FCSK: variants seen among roughly 807,000 people sequenced by gnomAD.
FCSK encodes L-fucose kinase.
A neutral mutation model predicts 122.5 loss-of-function variants in FCSK; 123 were observed. The ratio of observed to expected loss-of-function variants is 1.00; its 90% CI spans 0.87 to 1.17. The LOEUF (loss-of-function observed/expected upper bound fraction) is 1.17. FCSK is among the 50% of genes most tolerant of loss of function. FCSK has a pLI of 0.00. For missense variants in FCSK, 1,366 were observed against 1,450.4 expected (o/e 0.94, Z 0.95); for synonymous variants, 620 against 625.5 (o/e 0.99, Z 0.13).
chr16:70,463,829 A>T (rs533754927), intron 3 of FCSK, 55 bp downstream of exon 3: 17 of 1,526,896 alleles, frequency 1.1e-5, no homozygotes, highest in Non-Finnish European at 1.5e-5. Flanking sequence ...GAACCAGGTC[A>T]TTTCTGAGAT....
chr16:70,460,271 C>T (rs1184735280), intron 1 of FCSK, among the ~76,000 whole-genome samples: 1 of 151,684 alleles, frequency 6.6e-6, no homozygotes, highest in Non-Finnish European at 1.5e-5. Flanking sequence ...GCCACCACGC[C>T]CAGCTAATTT....
In FCSK at chr16:70,479,757, A is replaced by G; in HGVS notation, c.*77A>G. 1 of 1,111,354 alleles carries G rather than the reference A, an allele frequency of 9.0e-7. No individual in the cohort carries two copies. Among genetic ancestry groups the G allele is most frequent in the Non-Finnish European group, 1.3e-6 (1 of 759,166 alleles). 68.8% of individuals were successfully genotyped at this position (1,111,354 alleles called of 1,614,324 possible). On this transcript the variant is annotated 3_prime_UTR_variant, in exon 24 of 24. Transcript: ENST00000288078. Reference sequence around the variant, plus strand: ...CCTTCCTTGCCCCATGGGAACCTCCACCTCCTACTCCCCACCCACCTCTGC... The same window carrying G: ...CCTTCCTTGCCCCATGGGAACCTCCGCCTCCTACTCCCCACCCACCTCTGC...
At position 70,474,777 on chromosome 16, in the gene FCSK, C is replaced by T; in HGVS notation, c.2156-13C>T. ...CTTCTGTGACCAGCTTGAGTCTTGC[C>T]ACACTGCCATAGGGGGCTGGAGTGA... On this transcript the variant is annotated splice_polypyrimidine_tract_variant and intron_variant, in intron 17 of 23. Coordinates refer to ENST00000288078, the MANE Select transcript of FCSK (RefSeq NM_145059.3). 1.3e-6 allele frequency: 2 copies of T among 1,559,650 alleles called. No individual in the cohort carries two copies. Among genetic ancestry groups the T allele is most frequent in the Middle Eastern group, 1.7e-4 (1 of 5,942 alleles).
At chr16:70,465,739 G>A (rs891745336) in intron 4 of FCSK, among the ~76,000 whole-genome samples, 2 of 152,034 alleles carry the variant, frequency 1.3e-5, no homozygotes, top group Non-Finnish European at 2.9e-5. Flanking sequence ...AGATCACAAG[G>A]TCAGGAGTTT....
At chr16:70,470,915 GCTGGGGCA>G (rs776758121) in intron 11 of FCSK, 48 bp from the exon 12 acceptor site, 32 of 1,468,034 alleles carry the variant, frequency 2.2e-5, no homozygotes, top group Middle Eastern at 2.4e-4. Flanking sequence ...TGGGAGGAGA[GCTGGGGCA>G]GCCCTGGGCC....
chr16:70,475,494 G>T lies in FCSK; in HGVS notation c.2521+1G>T. ...GAGCTGCCCCACGGCTCTGGCCTGG[G>T]TGAGCGGGCCCTGCCTCCTGCTACC... On this transcript the variant is annotated splice_donor_variant, in intron 19 of 23. Coordinates refer to ENST00000288078, the MANE Select transcript of FCSK (RefSeq NM_145059.3). LOFTEE classifies it high-confidence loss of function. 7 of 1,601,642 alleles carry T rather than the reference G, an allele frequency of 4.4e-6. No individual in the cohort carries two copies. The highest frequency in any genetic ancestry group is 5.9e-6 in the Non-Finnish European group (7 of 1,177,522).
At chr16:70,476,779 G>C (rs187520073) in intron 20 of FCSK, among the ~76,000 whole-genome samples, 25 of 152,330 alleles carry the variant, frequency 1.6e-4, no homozygotes, top group African/African-American at 6.0e-4. Flanking sequence ...TTAGCAAAAG[G>C]AGCAGATGGG....
At chr16:70,455,005 AC>A (rs2048045360) in intron 1 of FCSK, 1 of 151,998 alleles carries the variant, frequency 6.6e-6, no homozygotes, top group African/African-American at 2.4e-5. Flanking sequence ...CTCTCAGTTT[AC>A]CCGGCCAGGG....
chr16:70,468,023 A>G, intron 8 of FCSK, 57 bp downstream of exon 8: 1 of 1,319,006 alleles, frequency 7.6e-7, no homozygotes, highest in Admixed American at 1.7e-5. Context: ...ACAGGGAGGG[A>G]GGGTCTGACT....
intron 1 of FCSK, among the ~76,000 whole-genome samples, chr16:70,458,167 T>TC (rs1567690833): frequency 6.6e-6 from 1 of 150,754 alleles, no homozygotes; most frequent in Admixed American, 6.6e-5. Flanking sequence ...TTCTTTCTTT[T>TC]TTTTTTTTTT....
chr16:70,467,317 G>A, intron 6 of FCSK, 57 bp from the exon 7 acceptor site: 1 of 1,283,164 alleles, frequency 7.8e-7, no homozygotes, highest in Non-Finnish European at 1.1e-6. Context: ...ACCTGGTGGG[G>A]AAATCCGTGC....
chr16:70,467,426 C>T lies in FCSK; in HGVS notation c.537C>T (p.Ser179=). 1 of 1,610,600 alleles carries T rather than the reference C, an allele frequency of 6.2e-7. No homozygotes were observed. The highest frequency in any genetic ancestry group is 8.5e-7 in the Non-Finnish European group (1 of 1,178,826). ...RGARVIALPG[S]PAYAQNHGVY... Reference sequence around the variant, plus strand: ...CCAGAGTGATCGCCCTCCCAGGGAGCCCGGCCTACGCTCAGAATCATGGCG... The same window carrying T: ...CCAGAGTGATCGCCCTCCCAGGGAGTCCGGCCTACGCTCAGAATCATGGCG... Residue 179 remains serine, a synonymous_variant, in exon 7 of 24, where the codon AGC becomes AGT. Transcript: ENST00000288078.
At chr16:70,472,849 C>T (rs17884087) in intron 14 of FCSK, 134 bp from the exon 15 acceptor site, 97,141 of 1,155,644 alleles carry the variant, frequency 0.084, 4,682 homozygotes, top group South Asian at 0.13. Flanking sequence ...GCCTGGCCCC[C>T]GACCTGAATT....
chr16:70,456,977 G>A (rs1039660985), intron 1 of FCSK, among the ~76,000 whole-genome samples: 4 of 151,782 alleles, frequency 2.6e-5, no homozygotes, highest in South Asian at 2.1e-4. Flanking sequence ...CCAAGATTGC[G>A]CCACTGCACT....
Position 70,473,025 on chromosome 16 carries a change from CT to C in FCSK, c.1450del (p.Cys484AlafsTer90). ...ACCCTGAGACGCTGCCCGCAGAGTA[CT>C]GCCTTCCCAGCGCCCGCCTCTTTCC... ...WDPETLPAEY[C>X]LPSARLFPVL... On this transcript the variant is annotated frameshift_variant, in exon 15 of 24. Transcript: ENST00000288078. LOFTEE classifies it high-confidence loss of function. The surrounding 1 kb of genome is among the most constrained non-coding windows in gnomAD (Gnocchi z 4.9). 1 of 1,597,074 alleles carries C rather than the reference CT, an allele frequency of 6.3e-7. No homozygotes were observed. The highest frequency in any genetic ancestry group is 8.5e-7 in the Non-Finnish European group (1 of 1,172,584).
intron 5 of FCSK, chr16:70,466,468 G>A (rs2151710232): frequency 5.2e-6 from 3 of 580,140 alleles, no homozygotes; most frequent in African/African-American, 1.9e-5. Context: ...CAAAGTGGGA[G>A]GATCGCTTGA....
intron 1 of FCSK, among the ~76,000 whole-genome samples, chr16:70,460,068 G>A (rs1482621256): frequency 1.3e-5 from 2 of 150,652 alleles, no homozygotes; most frequent in Non-Finnish European, 2.9e-5. Context: ...CAAAGTGCTC[G>A]GATTATAGGC....
Position 70,468,835 on chromosome 16 carries a change from G to A in FCSK, c.664-14G>A, listed in dbSNP as rs1226596054. ...AGGGCCCTCCATCTCTGATCCTTTT[G>A]GGGTCCCTTCCAGGTCTCTGGGGTT... On this transcript the variant is annotated splice_polypyrimidine_tract_variant and intron_variant, in intron 8 of 23. Coordinates refer to ENST00000288078, the MANE Select transcript of FCSK (RefSeq NM_145059.3). 1 of 1,613,890 alleles carries A rather than the reference G, an allele frequency of 6.2e-7. No homozygotes were observed. The highest frequency in any genetic ancestry group is 2.2e-5 in the East Asian group (1 of 44,868).
chr16:70,476,953 A>G (rs1393693803), intron 20 of FCSK, among the ~76,000 whole-genome samples: 1 of 152,206 alleles, frequency 6.6e-6, no homozygotes, highest in Non-Finnish European at 1.5e-5. Flanking sequence ...ACAGACATTA[A>G]TCAATAACTA....
Sources: allele counts gnomAD v4.1 joint callset (sites outside exome capture counted in the v4.1 genomes callset), GRCh38; gene constraint gnomAD v4.1.1; non-coding constraint Gnocchi (gnomAD v3.1); transcripts MANE v1.5; gene names NCBI Gene and HGNC (gene_info 2026-07-23, HGNC 2026-07-21).